NKAIN1: variants seen among roughly 807,000 people sequenced by gnomAD.
NKAIN1 encodes the protein sodium/potassium transporting ATPase interacting 1.
Under a neutral mutation model 31.6 loss-of-function variants are expected in NKAIN1, and 13 were observed. The observed-to-expected ratio is 0.41, with a 90% confidence interval of 0.27 to 0.65. NKAIN1 has a LOEUF of 0.65. Ranked by LOEUF, NKAIN1 falls within the 30% of genes least tolerant of loss-of-function variation. The probability of loss-of-function intolerance (pLI) is 0.30; values close to 1 mark genes in which losing one functional copy is unlikely to be tolerated. For missense variants in NKAIN1, 193 were observed against 262.2 expected (o/e 0.74, Z 1.82); for synonymous variants, 104 against 109.0 (o/e 0.95, Z 0.28).
intron 1 of NKAIN1, among the ~76,000 whole-genome samples, chr1:31,219,536 C>T (rs370603502): frequency 6.6e-4 from 101 of 152,352 alleles, no homozygotes; most frequent in African/African-American, 2.4e-3. Context: ...GCATGTCCCC[C>T]TGATCCTGTG....
intron 1 of NKAIN1, among the ~76,000 whole-genome samples, chr1:31,192,143 A>G (rs938766022): frequency 3.9e-4 from 60 of 152,146 alleles, no homozygotes; most frequent in African/African-American, 1.4e-3. Flanking sequence ...TTTGGTAGGA[A>G]GGCCTCCCTG....
At chr1:31,223,065 C>G (rs1027292745) in intron 1 of NKAIN1, among the ~76,000 whole-genome samples, 2 of 152,100 alleles carry the variant, frequency 1.3e-5, no homozygotes, top group Non-Finnish European at 2.9e-5. Context: ...GGAAAAGCAG[C>G]GGCTCTGGGA....
chr1:31,184,119 C>A (rs544658994), intron 3 of NKAIN1, 105 bp from the exon 4 acceptor site: 3 of 946,138 alleles, frequency 3.2e-6, no homozygotes, highest in African/African-American at 1.7e-5. Context: ...ATTCAGGGAG[C>A]CTGCACCTGC....
At chr1:31,190,154 A>C (rs1037894682) in intron 1 of NKAIN1, among the ~76,000 whole-genome samples, 11 of 152,174 alleles carry the variant, frequency 7.2e-5, no homozygotes, top group Admixed American at 2.0e-4. Flanking sequence ...AAGATATAAG[A>C]AGCCTTTTTC....
intron 2 of NKAIN1, 98 bp from the exon 3 acceptor site, chr1:31,185,425 G>C (rs923721987): frequency 2.1e-6 from 2 of 933,204 alleles, no homozygotes; most frequent in South Asian, 2.9e-5. Context: ...ATCTGGGCAG[G>C]GGAAATTATG....
In NKAIN1 at chr1:31,239,551, T is replaced by G; in HGVS notation, c.-4A>C. 1 of 1,252,212 alleles carries G rather than the reference T, an allele frequency of 8.0e-7. No homozygotes were observed. Among genetic ancestry groups the G allele is most frequent in the Non-Finnish European group, 1.0e-6 (1 of 999,220 alleles). The allele number at this position is 1,252,212 out of a possible 1,614,324, so 77.6% of individuals were successfully genotyped here. A position where few individuals can be genotyped will look rare whatever the true frequency, so the allele number is the denominator to read the frequency against. ...AGCGCCCGCTGCACTTGCCCATGGC[T>G]CCGGGGGCTGCGCGGGCCGCACGCC... On this transcript the variant is annotated 5_prime_UTR_variant, in exon 1 of 7. Coordinates refer to ENST00000373736, the MANE Select transcript of NKAIN1 (RefSeq NM_024522.3). This position sits in a 1 kb window ranked among gnomAD's most constrained non-coding sequence, Gnocchi z 4.8.
intron 1 of NKAIN1, among the ~76,000 whole-genome samples, chr1:31,203,324 T>A (rs1301583535): frequency 3.0e-5 from 2 of 66,686 alleles, no homozygotes; most frequent in African/African-American, 6.1e-5. Flanking sequence ...TGGATGTCCC[T>A]CAGAAGGGGT....
At chr1:31,231,953 G>T (rs1419707879) in intron 1 of NKAIN1, among the ~76,000 whole-genome samples, 15 of 147,960 alleles carry the variant, frequency 1.0e-4, no homozygotes, top group African/African-American at 3.2e-4. Context: ...GGATCTCACT[G>T]TGTTGCCCAG....
At chr1:31,220,334 G>A (rs946912046) in intron 1 of NKAIN1, among the ~76,000 whole-genome samples, 2 of 151,724 alleles carry the variant, frequency 1.3e-5, no homozygotes, top group South Asian at 2.1e-4. Flanking sequence ...GATCTTTTAC[G>A]ATCTTCTTTT....
intron 1 of NKAIN1, among the ~76,000 whole-genome samples, chr1:31,228,283 T>C (rs1057193888): frequency 2.6e-5 from 4 of 152,152 alleles, no homozygotes; most frequent in African/African-American, 9.7e-5. Flanking sequence ...AACCAATCCT[T>C]ATCCTGAAAA....
chr1:31,197,807 A>G (rs1645342868), intron 1 of NKAIN1, among the ~76,000 whole-genome samples: 1 of 152,060 alleles, frequency 6.6e-6, no homozygotes, highest in Non-Finnish European at 1.5e-5. Flanking sequence ...GTGGCCTCCC[A>G]AAGTGTTGGG....
At chr1:31,216,022 C>T (rs1397266051) in intron 1 of NKAIN1, among the ~76,000 whole-genome samples, 1 of 151,948 alleles carries the variant, frequency 6.6e-6, no homozygotes, top group African/African-American at 2.4e-5. Context: ...GCAGTAAACC[C>T]AAGTGGTCTG....
chr1:31,224,747 C>T (rs1462483467), intron 1 of NKAIN1, among the ~76,000 whole-genome samples: 2 of 152,232 alleles, frequency 1.3e-5, no homozygotes, highest in African/African-American at 4.8e-5. Context: ...CTTGCTCTTC[C>T]CCACCCGGTG....
chr1:31,220,938 C>G (rs930127233), intron 1 of NKAIN1, among the ~76,000 whole-genome samples: 10 of 152,064 alleles, frequency 6.6e-5, no homozygotes, highest in African/African-American at 2.4e-4. Context: ...TGGACACTTC[C>G]AGGCCTCAAG....
Position 31,234,649 on chromosome 1 carries a change from C to T in NKAIN1, c.54+4845G>A, listed in dbSNP as rs565566136. Among the ~76,000 whole-genome samples, 12 of 151,938 alleles carry T rather than the reference C, an allele frequency of 7.9e-5. No homozygotes were observed. In the South Asian group the frequency reaches 1.9e-3, roughly 24 times the overall value. On this transcript the variant is annotated intron_variant, in intron 1 of 6. Transcript: ENST00000373736. ...GTGAATGCGTGTGTCCAAGGTCACA[C>T]AGAGCTGGGACAGAAACAACCATGG...
At chr1:31,189,183 G>A (rs1645267723) in intron 1 of NKAIN1, among the ~76,000 whole-genome samples, 1 of 152,106 alleles carries the variant, frequency 6.6e-6, no homozygotes, top group Non-Finnish European at 1.5e-5. Context: ...CATCAACCAT[G>A]TGAGCGAGGC....
chr1:31,184,271 CACAGGTGAAATCCTCAGT>C (rs1203459986), intron 3 of NKAIN1, among the ~76,000 whole-genome samples: 1 of 152,156 alleles, frequency 6.6e-6, no homozygotes, highest in African/African-American at 2.4e-5. Flanking sequence ...ATTTCCCAGC[CACAGGTGAAATCCTCAGT>C]ACCAGCCCCT....
chr1:31,193,906 A>G (rs1304204171), intron 1 of NKAIN1: 5 of 152,242 alleles, frequency 3.3e-5, no homozygotes, highest in Admixed American at 2.0e-4. Context: ...CTTAGAAGGC[A>G]GGAACTGTGC....
At chr1:31,197,405 C>A (rs1300646374) in intron 1 of NKAIN1, among the ~76,000 whole-genome samples, 1 of 152,178 alleles carries the variant, frequency 6.6e-6, no homozygotes, top group African/African-American at 2.4e-5. Flanking sequence ...GCTACCACGT[C>A]TGGCCTAATT....
Sources: gnomAD v4.1 joint callset for allele counts (sites outside exome capture counted in the v4.1 genomes callset) on GRCh38, gnomAD v4.1.1 for gene constraint, Gnocchi (gnomAD v3.1) non-coding constraint, MANE v1.5 for transcripts, NCBI Gene and HGNC (gene_info 2026-07-23, HGNC 2026-07-21) for gene names.